Variants in SLC39A11 observed in about 807,000 individuals in gnomAD.
The protein encoded by SLC39A11 is solute carrier family 39 member 11, also known as zinc transporter ZIP11.
SLC39A11 carries 33 observed loss-of-function variants against 36.1 expected under a neutral mutation model. The observed-to-expected ratio is 0.91, with a 90% CI of 0.69 to 1.22. The LOEUF (loss-of-function observed/expected upper bound fraction) is 1.22. SLC39A11 is among the 50% of genes most tolerant of loss of function. SLC39A11 has a pLI of 0.00. For missense variants in SLC39A11, 432 were observed against 430.3 expected, an observed-to-expected ratio of 1.00 and a Z score of -0.03; for synonymous variants, 166 against 170.3, an observed-to-expected ratio of 0.97 and a Z score of 0.20.
intron 2 of SLC39A11, among the ~76,000 whole-genome samples, chr17:73,085,723 G>A (rs571709792): frequency 6.7e-5 from 10 of 150,156 alleles, no homozygotes; most frequent in Non-Finnish European, 1.2e-4. Flanking sequence ...TGGCAGCACC[G>A]ATGAGAGGTG....
At position 72,699,118 on chromosome 17, in the gene SLC39A11, A is replaced by C. The variant is rs77748678; in HGVS notation, c.671+37532T>G. The stretch of plus-strand genomic sequence containing the variant: ...TGCTGGGATTACAGGGGTGAGCCAC[A>C]GCGCCTGGCCGGAGGTTGGTTCTTT... On this transcript the variant is annotated intron_variant, in intron 7 of 9. Coordinates refer to ENST00000255559, the MANE Select transcript of SLC39A11 (RefSeq NM_139177.4). 2.1e-3 allele frequency among the ~76,000 whole-genome samples: 327 copies of C among 152,198 alleles called. 5 individuals are homozygous for C. In the East Asian group the frequency reaches 0.025, roughly 12 times the overall value.
chr17:72,897,067 AAAAAC>A (rs1431456580), intron 5 of SLC39A11, among the ~76,000 whole-genome samples: 5 of 150,450 alleles, frequency 3.3e-5, no homozygotes, highest in African/African-American at 9.7e-5. Context: ...AAAAAAAAAA[AAAAAC>A]AAACAGAAAA....
At chr17:72,942,177 C>T (rs2085155028) in intron 5 of SLC39A11, among the ~76,000 whole-genome samples, 1 of 151,814 alleles carries the variant, frequency 6.6e-6, no homozygotes, top group African/African-American at 2.4e-5. Context: ...ATTACACGTG[C>T]ATTCTCACAC....
intron 6 of SLC39A11, among the ~76,000 whole-genome samples, chr17:72,754,041 T>C (rs868835849): frequency 0.14 from 7,479 of 52,696 alleles, 204 homozygotes; most frequent in East Asian, 0.16. Flanking sequence ...TATATATATA[T>C]ATATACACAT....
In SLC39A11 at chr17:72,685,942, A is replaced by C. The variant is rs2071725450; in HGVS notation, c.672-36674T>G. 4.6e-5 allele frequency among the ~76,000 whole-genome samples: 7 copies of C among 152,188 alleles called. No homozygotes were observed. The South Asian group carries it at 1.5e-3, about 32-fold the overall frequency. On this transcript the variant is annotated intron_variant, in intron 7 of 9. Transcript: ENST00000255559. ...TCCCAGCTACTCAGGAGGCTGAGGC[A>C]GGAGAATTGCTTGAACCCAGGAGAT... is the stretch of plus-strand genomic sequence containing the variant.
At chr17:72,655,768 G>C (rs1384359704) in intron 7 of SLC39A11, among the ~76,000 whole-genome samples, 2 of 152,216 alleles carry the variant, frequency 1.3e-5, no homozygotes, top group Admixed American at 6.5e-5. Flanking sequence ...GAGCAGCAAA[G>C]CAGGTGGTAT....
intron 6 of SLC39A11, among the ~76,000 whole-genome samples, chr17:72,742,324 G>A (rs1397501163): frequency 3.3e-5 from 5 of 152,152 alleles, no homozygotes; most frequent in South Asian, 4.1e-4. Flanking sequence ...AGGCAGCCTC[G>A]TTTTTGCAGC....
intron 7 of SLC39A11, among the ~76,000 whole-genome samples, chr17:72,694,389 T>A (rs1567954268): frequency 6.6e-6 from 1 of 152,242 alleles, no homozygotes. Flanking sequence ...CGAGCCCTGG[T>A]ACCCATCGTG....
At chr17:73,020,219 G>A (rs1225515744) in intron 4 of SLC39A11, among the ~76,000 whole-genome samples, 1 of 152,226 alleles carries the variant, frequency 6.6e-6, no homozygotes, top group Non-Finnish European at 1.5e-5. Flanking sequence ...ATTTGTTGGA[G>A]CACTAGCCCC....
intron 3 of SLC39A11, among the ~76,000 whole-genome samples, chr17:73,040,933 C>CA (rs1032019147): frequency 1.3e-4 from 19 of 142,372 alleles, no homozygotes; most frequent in Non-Finnish European, 2.1e-4. Context: ...TGCAGTGAGA[C>CA]AAAATCACAC....
rs532888156 is a variant in SLC39A11, at chr17:72,729,300, G to A, written c.671+7350C>T. Among the ~76,000 whole-genome samples, 43 of 145,992 alleles carry A rather than the reference G, an allele frequency of 2.9e-4. 1 individual carries two copies. In the East Asian group the frequency reaches 3.2e-3, roughly 11 times the overall value. On this transcript the variant is annotated intron_variant, in intron 7 of 9. Coordinates refer to ENST00000255559, the MANE Select transcript of SLC39A11 (RefSeq NM_139177.4). ...TGCCCAGGATGGAGTGCAGTGGCAC[G>A]ATCACGGCTTACTGCAGCCTCAACC...
chr17:72,947,700 C>T (rs1234808542), intron 5 of SLC39A11, 52 bp downstream of exon 5: 4 of 1,611,776 alleles, frequency 2.5e-6, no homozygotes, highest in African/African-American at 1.3e-5. Flanking sequence ...TATTGCCTGA[C>T]TCAGCTCAGT....
chr17:72,996,470 T>C (rs1235370009), intron 4 of SLC39A11, among the ~76,000 whole-genome samples: 1 of 152,152 alleles, frequency 6.6e-6, no homozygotes, highest in East Asian at 1.9e-4. Context: ...AGCAGGGCCA[T>C]TTTCTCTCCA....
intron 6 of SLC39A11, among the ~76,000 whole-genome samples, chr17:72,777,912 C>G (rs1281861289): frequency 1.3e-5 from 2 of 151,886 alleles, no homozygotes; most frequent in Non-Finnish European, 2.9e-5. Context: ...TACATACTTA[C>G]TTACTTATTT....
At chr17:72,984,676 T>C (rs1454517322) in intron 4 of SLC39A11, among the ~76,000 whole-genome samples, 2 of 152,310 alleles carry the variant, frequency 1.3e-5, no homozygotes, top group Middle Eastern at 3.4e-3. Flanking sequence ...CACTCTCAAA[T>C]GTGAGAATCA....
intron 5 of SLC39A11, among the ~76,000 whole-genome samples, chr17:72,923,498 T>C (rs2083826794): frequency 6.6e-6 from 1 of 152,172 alleles, no homozygotes; most frequent in Admixed American, 6.5e-5. Context: ...ATACAAGGCA[T>C]AAGCTTTGGA....
At chr17:72,979,528 T>C (rs2088134013) in intron 4 of SLC39A11, among the ~76,000 whole-genome samples, 1 of 152,100 alleles carries the variant, frequency 6.6e-6, no homozygotes, top group Non-Finnish European at 1.5e-5. Flanking sequence ...TCCCAAACAT[T>C]ACTGGTGAAA....
rs190435525 is a variant in SLC39A11 at position 72,698,221 on chromosome 17, T to C, written c.671+38429A>G. Among the ~76,000 whole-genome samples the C allele has an allele frequency of 1.1e-4, 17 of 152,284 alleles. No individual in the cohort carries two copies. In the East Asian group the frequency reaches 3.1e-3, roughly 28 times the overall value. ...AAGTTAAAGGGAGAAGAAAAAGCCA[T>C]TTTCTGGATCTCTTTCCAGAAAGGA... On this transcript the variant is annotated intron_variant, in intron 7 of 9. Coordinates refer to ENST00000255559, the MANE Select transcript of SLC39A11 (RefSeq NM_139177.4).
At chr17:72,829,590 A>G (rs1311990160) in intron 6 of SLC39A11, among the ~76,000 whole-genome samples, 2 of 152,142 alleles carry the variant, frequency 1.3e-5, no homozygotes, top group Non-Finnish European at 2.9e-5. Flanking sequence ...GAAAACAAAC[A>G]TGCCGAATTA....
Sources: allele counts gnomAD v4.1 joint callset (sites outside exome capture counted in the v4.1 genomes callset), GRCh38; gene constraint gnomAD v4.1.1; transcripts MANE v1.5; gene names NCBI Gene and HGNC (gene_info 2026-07-23, HGNC 2026-07-21).